ZFX: variants seen among roughly 807,000 people sequenced by gnomAD.
ZFX encodes zinc finger protein X-linked.
For missense variants in ZFX, 362 were observed against 628.3 expected, an observed-to-expected ratio of 0.58 and a Z score of 4.53; for synonymous variants, 196 against 226.8, an observed-to-expected ratio of 0.86 and a Z score of 1.22.
At chrX:24,171,194 A>G (rs1021493484) in intron 3 of ZFX, among the ~76,000 whole-genome samples, 3 of 111,877 alleles carry the variant, frequency 2.7e-5, no homozygotes, top group African/African-American at 9.8e-5. Flanking sequence ...GAAATTTCAG[A>G]GGGAAAAATT....
intron 1 of ZFX, 164 bp downstream of exon 1, chrX:24,149,958 G>C (rs1931778687): frequency 9.2e-6 from 1 of 108,354 alleles, no homozygotes; most frequent in Non-Finnish European, 1.9e-5. Flanking sequence ...CCGGGGAGGA[G>C]CCCGGCTGCC....
intron 6 of ZFX, 31 bp from the exon 7 acceptor site, chrX:24,207,681 T>A: frequency 8.4e-7 from 1 of 1,192,278 alleles, no homozygotes; most frequent in Non-Finnish European, 1.1e-6. Flanking sequence ...TCAAATAAAT[T>A]ATTGAAGCTG....
intron 5 of ZFX, among the ~76,000 whole-genome samples, chrX:24,201,807 T>C (rs920289014): frequency 8.9e-6 from 1 of 112,620 alleles, no homozygotes; most frequent in Non-Finnish European, 1.9e-5. Context: ...ACCATTTTTA[T>C]AAAGCATAAT....
chrX:24,156,677 C>T (rs1284039044), intron 3 of ZFX, among the ~76,000 whole-genome samples: 13 of 35,544 alleles, frequency 3.7e-4, no homozygotes, highest in Admixed American at 1.3e-3. Context: ...TTTTTGGAGA[C>T]GGAGTTTTGC....
At chrX:24,169,206 C>T (rs1934321810) in intron 3 of ZFX, among the ~76,000 whole-genome samples, 1 of 111,791 alleles carries the variant, frequency 8.9e-6, no homozygotes, top group African/African-American at 3.3e-5. Context: ...TGAATAATTA[C>T]TGCTCACTTA....
In ZFX at chrX:24,173,646, C is replaced by T. The variant is rs750208039; in HGVS notation, c.58+846C>T. On this transcript the variant is annotated intron_variant, in intron 4 of 9. Coordinates refer to ENST00000304543, the MANE Select transcript of ZFX (RefSeq NM_003410.4). The stretch of plus-strand genomic sequence containing the variant: ...TGTCACCCAGGCTGGAGCACAGTGG[C>T]GCCATCTGGGTCCACTGCAACCTCC... 1.7e-5 allele frequency: 17 copies of T among 989,991 alleles called. No individual in the cohort carries two copies. In the South Asian group the frequency reaches 1.9e-4, roughly 11 times the overall value. 81.6% of individuals were successfully genotyped at this position (989,991 alleles called of 1,213,427 possible).
At chrX:24,173,697 C>T (rs1325711262) in intron 4 of ZFX, 1 of 587,146 alleles carries the variant, frequency 1.7e-6, no homozygotes, top group Non-Finnish European at 2.8e-6. Flanking sequence ...GTGATCTGCT[C>T]AGCTTCCCGA....
intron 3 of ZFX, among the ~76,000 whole-genome samples, chrX:24,164,485 A>G (rs767220974): frequency 8.9e-6 from 1 of 111,777 alleles, no homozygotes; most frequent in South Asian, 3.7e-4. Flanking sequence ...AGAACCTCAT[A>G]GGCCGAAAGT....
chrX:24,156,712 T>C (rs1197412617), intron 3 of ZFX, among the ~76,000 whole-genome samples: 1 of 100,346 alleles, frequency 1.0e-5, no homozygotes, highest in African/African-American at 3.9e-5. Context: ...TGGAGTGCAG[T>C]GGTGCGATCT....
chrX:24,201,950 C>G (rs1474605414), intron 5 of ZFX, among the ~76,000 whole-genome samples: 1 of 111,770 alleles, frequency 8.9e-6, no homozygotes, highest in Non-Finnish European at 1.9e-5. Flanking sequence ...CACTCATTTT[C>G]TCTAGTTTCT....
chrX:24,170,701 C>A (rs1164883634), intron 3 of ZFX, among the ~76,000 whole-genome samples: 1 of 102,544 alleles, frequency 9.8e-6, no homozygotes, highest in African/African-American at 3.6e-5. Flanking sequence ...ACCTCCGTAT[C>A]CCGGGTTCAA....
intron 5 of ZFX, among the ~76,000 whole-genome samples, chrX:24,190,373 CTG>C (rs1425111911): frequency 1.8e-5 from 2 of 111,835 alleles, no homozygotes; most frequent in Admixed American, 1.9e-4. Flanking sequence ...TTACTGTAAA[CTG>C]AAATTTATTT....
At chrX:24,188,417 A>G (rs766209922) in intron 5 of ZFX, among the ~76,000 whole-genome samples, 39 of 111,738 alleles carry the variant, frequency 3.5e-4, no homozygotes, top group African/African-American at 1.1e-3. Flanking sequence ...AAGCTTTAAA[A>G]AATAATTTGA....
intron 3 of ZFX, among the ~76,000 whole-genome samples, chrX:24,162,055 GA>G (rs202137665): frequency 0.13 from 10,556 of 82,208 alleles, 494 homozygotes; most frequent in Middle Eastern, 0.19. Flanking sequence ...GTCTAAAAAG[GA>G]AAAAAAAAAA....
chrX:24,153,625 A>G (rs902246850), intron 3 of ZFX, among the ~76,000 whole-genome samples: 3 of 111,955 alleles, frequency 2.7e-5, no homozygotes, highest in Admixed American at 1.9e-4. Context: ...GGTGTGTTAT[A>G]TAAAAGTGCT....
At chrX:24,197,452 A>G (rs750864227) in intron 5 of ZFX, among the ~76,000 whole-genome samples, 23 of 112,379 alleles carry the variant, frequency 2.0e-4, no homozygotes, top group African/African-American at 7.4e-4. Flanking sequence ...AATGTATCTT[A>G]GCATATAGCC....
chrX:24,179,502 A>G lies in ZFX; in HGVS notation c.378A>G (p.Ser126=). The part of the protein sequence containing the change: ...DVLASDITSA[S]MSMPEHVLTG... Reference sequence around the variant, plus strand: ...TAGCTTCTGACATTACTTCAGCCTCAATGTCTATGCCAGAACACGTCTTGA... The same window carrying G: ...TAGCTTCTGACATTACTTCAGCCTCGATGTCTATGCCAGAACACGTCTTGA... Residue 126 remains serine, a synonymous_variant, in exon 5 of 10, where the codon TCA becomes TCG. Transcript: ENST00000304543. 1 of 1,212,254 alleles carries G rather than the reference A, an allele frequency of 8.2e-7. No homozygotes were observed.
intron 3 of ZFX, among the ~76,000 whole-genome samples, chrX:24,170,452 C>CAGCCAATGGCATTCTA (rs761539254): frequency 9.1e-6 from 1 of 110,336 alleles, no homozygotes; most frequent in East Asian, 2.8e-4. Flanking sequence ...CCACCACGTC[C>CAGCCAATGGCATTCTA]AGCCAATGCT....
In ZFX at chrX:24,216,048, A is replaced by C. The variant is rs930846569; in HGVS notation, c.*4672A>C. The stretch of plus-strand genomic sequence containing the variant: ...ATATATTGTTCCTGTTATTTTTGAC[A>C]TCTTTGCTATTGTAAATAAATTACT... On this transcript the variant is annotated 3_prime_UTR_variant, in exon 10 of 10. Coordinates refer to ENST00000304543, the MANE Select transcript of ZFX (RefSeq NM_003410.4). 2.7e-5 allele frequency: 3 copies of C among 111,740 alleles called. No individual in the cohort carries two copies. Among genetic ancestry groups the C allele is most frequent in the Non-Finnish European group, 3.8e-5 (2 of 53,198 alleles). The allele number at this position is 111,740 out of a possible 1,213,427, so 9.2% of individuals were successfully genotyped here. A position where few individuals can be genotyped will look rare whatever the true frequency, so the allele number is the denominator to read the frequency against.
Sources: gnomAD v4.1 joint callset for allele counts (sites outside exome capture counted in the v4.1 genomes callset) on GRCh38, gnomAD v4.1.1 for gene constraint, MANE v1.5 for transcripts, NCBI Gene and HGNC (gene_info 2026-07-23, HGNC 2026-07-21) for gene names.